GTF2IRD1: variants seen among roughly 807,000 people sequenced by gnomAD.
GTF2IRD1 encodes the protein GTF2I repeat domain containing 1.
A neutral mutation model predicts 113.2 loss-of-function variants in GTF2IRD1; 26 were observed. The ratio of observed to expected loss-of-function variants is 0.23; its 90% CI spans 0.17 to 0.32. The LOEUF (loss-of-function observed/expected upper bound fraction) is 0.32. Among genes scored for constraint, GTF2IRD1 ranks in the 10% least tolerant of loss-of-function variants. GTF2IRD1 has a pLI of 1.00. For missense variants in GTF2IRD1, 864 were observed against 1,280.8 expected (o/e 0.67, Z 4.97); for synonymous variants, 484 against 529.1 (o/e 0.91, Z 1.17).
At chr7:74,575,855 G>A (rs1350745933) in intron 22 of GTF2IRD1, among the ~76,000 whole-genome samples, 9 of 152,208 alleles carry the variant, frequency 5.9e-5, no homozygotes, top group Non-Finnish European at 8.8e-5. Flanking sequence ...ATGATTTGGG[G>A]AATCATGAAT....
At chr7:74,502,225 C>CA (rs1157221655) in intron 1 of GTF2IRD1, among the ~76,000 whole-genome samples, 2 of 152,234 alleles carry the variant, frequency 1.3e-5, no homozygotes, top group African/African-American at 4.8e-5. Flanking sequence ...AGGCGTGAGC[C>CA]ACCATGCCCG....
rs587617087 is a variant in GTF2IRD1 at position 74,543,652 on chromosome 7, C to G, written c.1619-1103C>G. ...CAGTGGCTCATGTCTGTAATCCTAG[C>G]ACTTTGGGAGGCCAAGGTGGGAGGA... On this transcript the variant is annotated intron_variant, in intron 14 of 26. Transcript: ENST00000424337. 1.1e-4 allele frequency among the ~76,000 whole-genome samples: 16 copies of G among 152,238 alleles called. No individual in the cohort carries two copies. The East Asian group carries it at 3.1e-3, about 29-fold the overall frequency.
At chr7:74,568,876 C>G (rs1349365586) in intron 22 of GTF2IRD1, among the ~76,000 whole-genome samples, 6 of 152,070 alleles carry the variant, frequency 3.9e-5, no homozygotes, top group African/African-American at 1.2e-4. Context: ...GGATGTGGGA[C>G]ACAGAGGTGC....
At chr7:74,474,511 G>A (rs782429959) in intron 1 of GTF2IRD1, among the ~76,000 whole-genome samples, 3 of 152,204 alleles carry the variant, frequency 2.0e-5, no homozygotes, top group Non-Finnish European at 4.4e-5. Context: ...TGCCTGGGGG[G>A]CTGTGCAGGG....
At chr7:74,566,223 A>T (rs1350043031) in intron 22 of GTF2IRD1, among the ~76,000 whole-genome samples, 1 of 152,088 alleles carries the variant, frequency 6.6e-6, no homozygotes, top group Non-Finnish European at 1.5e-5. Context: ...AAACATAAAC[A>T]TGTTCCCATG....
At position 74,491,810 on chromosome 7, in the gene GTF2IRD1, G is replaced by A. The variant is rs552340104; in HGVS notation, c.-6-16265G>A. 2.1e-4 allele frequency among the ~76,000 whole-genome samples: 32 copies of A among 152,186 alleles called. No homozygotes were observed. In the South Asian group the frequency reaches 5.0e-3, roughly 24 times the overall value. On this transcript the variant is annotated intron_variant, in intron 1 of 26. Transcript: ENST00000424337. Reference sequence around the variant, plus strand: ...ACATACGTGTGCATGTGTCTTTATTGTAGAATGATTTCTATTCCTTTGGGT... The same window carrying A: ...ACATACGTGTGCATGTGTCTTTATTATAGAATGATTTCTATTCCTTTGGGT...
intron 10 of GTF2IRD1, 140 bp from the exon 11 acceptor site, chr7:74,536,027 G>A (rs1255616885): frequency 3.7e-5 from 22 of 592,082 alleles, no homozygotes; most frequent in South Asian, 2.0e-4. Flanking sequence ...TTGGCTGGAC[G>A]TGGCGCCCAC....
intron 22 of GTF2IRD1, among the ~76,000 whole-genome samples, chr7:74,564,593 ATTT>A (rs1371649484): frequency 6.6e-6 from 1 of 151,996 alleles, no homozygotes; most frequent in Non-Finnish European, 1.5e-5. Flanking sequence ...CTGCAAAGAC[ATTT>A]TTTTAAATTA....
At chr7:74,596,488 A>G (rs1802422886) in intron 25 of GTF2IRD1, among the ~76,000 whole-genome samples, 4 of 150,426 alleles carry the variant, frequency 2.7e-5, no homozygotes, top group Admixed American at 2.7e-4. Context: ...AAAAAGAAAA[A>G]AAAAATTAGC....
intron 17 of GTF2IRD1, among the ~76,000 whole-genome samples, chr7:74,554,410 T>C (rs1308970512): frequency 6.6e-6 from 1 of 152,140 alleles, no homozygotes; most frequent in African/African-American, 2.4e-5. Flanking sequence ...ATTAGCATAA[T>C]ACAGAGCTGG....
At chr7:74,578,972 G>T (rs1216842539) in intron 22 of GTF2IRD1, among the ~76,000 whole-genome samples, 1 of 150,752 alleles carries the variant, frequency 6.6e-6, no homozygotes, top group Non-Finnish European at 1.5e-5. Context: ...GGGCAACAGA[G>T]CGAGATCCTG....
chr7:74,602,190 C>T lies in GTF2IRD1; in HGVS notation c.2767-175C>T, dbSNP rs587664951. 55 of 631,090 alleles carry T rather than the reference C, an allele frequency of 8.7e-5. No homozygotes were observed. In the South Asian group the frequency reaches 8.9e-4, roughly 10 times the overall value. 39.1% of individuals were successfully genotyped at this position (631,090 alleles called of 1,614,324 possible). A position where few individuals can be genotyped will look rare whatever the true frequency, so the allele number is the denominator to read the frequency against. The stretch of plus-strand genomic sequence containing the variant: ...CCGCGGGGCCAAGGTTGCAGTGAGC[C>T]GAGATTGCATCACTGCACTCCAGCC... On this transcript the variant is annotated intron_variant, in intron 26 of 26. Transcript: ENST00000424337.
chr7:74,474,210 C>A (rs1794275604), intron 1 of GTF2IRD1, among the ~76,000 whole-genome samples: 1 of 152,186 alleles, frequency 6.6e-6, no homozygotes, highest in African/African-American at 2.4e-5. Flanking sequence ...TGCCACTGCA[C>A]TCCAGCCTGG....
intron 22 of GTF2IRD1, among the ~76,000 whole-genome samples, chr7:74,562,300 G>T (rs1377467119): frequency 6.6e-6 from 1 of 152,210 alleles, no homozygotes; most frequent in Non-Finnish European, 1.5e-5. Context: ...AGGGGTGGCA[G>T]ATAGTTGCAG....
At chr7:74,514,906 A>G (rs1485105027) in intron 3 of GTF2IRD1, among the ~76,000 whole-genome samples, 1 of 151,598 alleles carries the variant, frequency 6.6e-6, no homozygotes, top group East Asian at 1.9e-4. Context: ...AAAATACAAA[A>G]ATTAGCTGGG....
intron 1 of GTF2IRD1, among the ~76,000 whole-genome samples, chr7:74,493,131 TA>T (rs1192895737): frequency 5.0e-4 from 72 of 144,140 alleles, no homozygotes; most frequent in African/African-American, 1.8e-3. Context: ...TTTTTTGAGA[TA>T]GGGGTCTCAC....
chr7:74,581,522 C>T (rs1157572701), intron 22 of GTF2IRD1, among the ~76,000 whole-genome samples: 2 of 152,318 alleles, frequency 1.3e-5, no homozygotes, highest in Non-Finnish European at 2.9e-5. Flanking sequence ...TTCTCTGATC[C>T]GTGTTTTTCC....
chr7:74,465,736 CGTGGGGT>C (rs1269479782), intron 1 of GTF2IRD1, among the ~76,000 whole-genome samples: 81 of 152,104 alleles, frequency 5.3e-4, no homozygotes, highest in African/African-American at 1.1e-3. Context: ...CCCCTCTGTC[CGTGGGGT>C]GTGGGGTGTG....
intron 1 of GTF2IRD1, among the ~76,000 whole-genome samples, chr7:74,496,470 T>TGTGGGTGTGC (rs149919029): frequency 0.28 from 40,519 of 142,514 alleles, 6,038 homozygotes; most frequent in East Asian, 0.48. Flanking sequence ...TGTGTGTTCA[T>TGTGGGTGTGC]GTGGGTGTGC....
Sources: gnomAD v4.1 joint callset for allele counts (sites outside exome capture counted in the v4.1 genomes callset) on GRCh38, gnomAD v4.1.1 for gene constraint, MANE v1.5 for transcripts, NCBI Gene and HGNC (gene_info 2026-07-23, HGNC 2026-07-21) for gene names.